Variants in COL21A1 observed in about 807,000 individuals in gnomAD.
The protein encoded by COL21A1 is collagen alpha-1(XXI) chain.
Under a neutral mutation model 137.9 loss-of-function variants are expected in COL21A1, and 149 were observed. That is an observed-to-expected ratio of 1.08 (90% CI 0.95 to 1.24). The LOEUF is 1.24. Ranked by LOEUF, COL21A1 falls within the 50% of genes most tolerant of loss-of-function variation. The pLI is 0.00. For synonymous variants in COL21A1, 456 were observed against 391.5 expected (o/e 1.16, Z -1.95); for missense variants, 1,167 against 1,158.4 (o/e 1.01, Z -0.11).
intron 1 of COL21A1, among the ~76,000 whole-genome samples, chr6:56,203,705 T>C (rs996492059): frequency 1.3e-5 from 2 of 152,226 alleles, no homozygotes; most frequent in African/African-American, 4.8e-5. Flanking sequence ...AGCTCCAGTC[T>C]GCAGTTCCCA....
intron 1 of COL21A1, among the ~76,000 whole-genome samples, chr6:56,318,451 A>C (rs980127041): frequency 6.6e-6 from 1 of 151,922 alleles, no homozygotes; most frequent in Non-Finnish European, 1.5e-5. Flanking sequence ...TTCTCTCCTC[A>C]ACCCTTCAAC....
chr6:56,273,358 A>G (rs963533364), intron 1 of COL21A1, among the ~76,000 whole-genome samples: 11 of 126,256 alleles, frequency 8.7e-5, no homozygotes, highest in African/African-American at 2.6e-4. Flanking sequence ...AACCCCAAAG[A>G]TAGCAGAAGA....
rs994982707 is a variant in COL21A1, at chr6:56,060,908, C to A, written c.2335G>T (p.Gly779Cys). 7 of 1,577,300 alleles carry A rather than the reference C, an allele frequency of 4.4e-6. No individual in the cohort carries two copies. The highest frequency in any genetic ancestry group is 1.4e-5 in the African/African-American group (1 of 72,446). The part of the protein sequence containing the change: ...PGDPGPQGPP[G>C]LDGKPGREFS... ...ATACATACGGGCTTCCCATCCAAAC[C>A]TGGGGGTCCCTGAGGACCTGGATCC... is the stretch of plus-strand genomic sequence containing the variant. Residue 779 changes from glycine (G) to cysteine (C), a missense_variant, in exon 26 of 30, where the codon GGT (glycine) becomes TGT (cysteine). Coordinates refer to ENST00000244728, the MANE Select transcript of COL21A1 (RefSeq NM_030820.4).
intron 1 of COL21A1, among the ~76,000 whole-genome samples, chr6:56,265,622 T>C (rs1262062126): frequency 6.6e-6 from 1 of 152,184 alleles, no homozygotes; most frequent in Non-Finnish European, 1.5e-5. Flanking sequence ...GAAGACTCCA[T>C]ATCCCATGGT....
chr6:56,290,498 G>GGTTTTTTTTTTTTTT (rs371058894), intron 1 of COL21A1, among the ~76,000 whole-genome samples: 2 of 132,960 alleles, frequency 1.5e-5, no homozygotes, highest in Non-Finnish European at 1.6e-5. Flanking sequence ...TCACTTAGGA[G>GGTTTTTTTTTTTTTT]ATTTTTTTTT....
At chr6:56,108,474 G>A (rs567615937) in intron 16 of COL21A1, among the ~76,000 whole-genome samples, 1 of 151,924 alleles carries the variant, frequency 6.6e-6, no homozygotes, top group East Asian at 1.9e-4. Context: ...ACTGGAGAAG[G>A]TAAAATTCAA....
intron 17 of COL21A1, among the ~76,000 whole-genome samples, chr6:56,098,031 G>A (rs1298041167): frequency 0.03 from 106 of 3,514 alleles, no homozygotes; most frequent in Non-Finnish European, 0.038. Context: ...AAATATATAT[G>A]TAAATATATA....
intron 16 of COL21A1, among the ~76,000 whole-genome samples, chr6:56,102,935 AT>A (rs1770582036): frequency 6.6e-6 from 1 of 152,208 alleles, no homozygotes; most frequent in African/African-American, 2.4e-5. Flanking sequence ...AGAAAAGCAT[AT>A]AAAAATATTG....
At chr6:56,108,963 A>G (rs1418095475) in intron 16 of COL21A1, among the ~76,000 whole-genome samples, 3 of 151,826 alleles carry the variant, frequency 2.0e-5, no homozygotes, top group Non-Finnish European at 4.4e-5. Flanking sequence ...AAGACTTTTA[A>G]CTCTTTAAAC....
chr6:56,316,477 CTTTTT>C (rs60388494), intron 1 of COL21A1, among the ~76,000 whole-genome samples: 1 of 75,786 alleles, frequency 1.3e-5, no homozygotes, highest in Non-Finnish European at 2.3e-5. Flanking sequence ...TCTAAATAGA[CTTTTT>C]TTTTTTTTTT....
chr6:56,097,896 T>TAC (rs1769587532), intron 17 of COL21A1, among the ~76,000 whole-genome samples: 1 of 94,862 alleles, frequency 1.1e-5, no homozygotes, highest in Non-Finnish European at 1.9e-5. Context: ...TATATATAAA[T>TAC]ATATAAATAT....
At chr6:56,148,491 A>G (rs569171998) in intron 10 of COL21A1, among the ~76,000 whole-genome samples, 10 of 152,174 alleles carry the variant, frequency 6.6e-5, no homozygotes, top group African/African-American at 2.4e-4. Flanking sequence ...CATCTCTTGT[A>G]ATTCTCTTCT....
intron 1 of COL21A1, among the ~76,000 whole-genome samples, chr6:56,337,142 A>C (rs915499952): frequency 2.6e-5 from 4 of 152,202 alleles, no homozygotes; most frequent in Non-Finnish European, 4.4e-5. Context: ...ATCCACCAAA[A>C]TAACAACTAT....
At chr6:56,273,083 C>T (rs2152332727) in intron 1 of COL21A1, among the ~76,000 whole-genome samples, 1 of 152,244 alleles carries the variant, frequency 6.6e-6, no homozygotes, top group Admixed American at 6.5e-5. Context: ...GAAGATCTTT[C>T]AAAACTACAC....
chr6:56,319,633 C>T (rs918463805), intron 1 of COL21A1, among the ~76,000 whole-genome samples: 6 of 152,262 alleles, frequency 3.9e-5, no homozygotes, highest in East Asian at 3.9e-4. Context: ...CCACTGGGCC[C>T]GGCCTTTTTG....
chr6:56,344,166 C>T (rs371514765), intron 1 of COL21A1, among the ~76,000 whole-genome samples: 2 of 152,238 alleles, frequency 1.3e-5, no homozygotes, highest in South Asian at 4.1e-4. Flanking sequence ...TTCCTATAAT[C>T]GCTAACATAA....
intron 20 of COL21A1, among the ~76,000 whole-genome samples, chr6:56,073,479 C>A (rs532012136): frequency 1.3e-5 from 2 of 151,378 alleles, no homozygotes; most frequent in South Asian, 4.2e-4. Flanking sequence ...GGTCTATTCC[C>A]CTGAGGCAAT....
chr6:56,355,514 C>T (rs1489288831), intron 1 of COL21A1, among the ~76,000 whole-genome samples: 2 of 152,150 alleles, frequency 1.3e-5, no homozygotes, highest in Non-Finnish European at 2.9e-5. Flanking sequence ...TGAATCCTGC[C>T]TCCAAAAAAC....
intron 1 of COL21A1, among the ~76,000 whole-genome samples, chr6:56,215,673 T>A (rs1019278491): frequency 7.9e-5 from 12 of 152,020 alleles, no homozygotes; most frequent in African/African-American, 2.7e-4. Context: ...TTAAGTAAAA[T>A]GCTAAGTAAA....
Sources: allele counts gnomAD v4.1 joint callset (sites outside exome capture counted in the v4.1 genomes callset), GRCh38; gene constraint gnomAD v4.1.1; transcripts MANE v1.5; gene names NCBI Gene and HGNC (gene_info 2026-07-23, HGNC 2026-07-21).